CMYA5: variants seen among roughly 807,000 people sequenced by gnomAD.
CMYA5 encodes the protein cardiomyopathy-associated protein 5.
A neutral mutation model predicts 318.9 loss-of-function variants in CMYA5; 246 were observed. The observed-to-expected ratio is 0.77, with a 90% CI of 0.70 to 0.86. CMYA5 has a LOEUF of 0.86. Among genes scored for constraint, CMYA5 ranks in the 40% least tolerant of loss-of-function variants. The pLI is 0.00. For missense variants in CMYA5, 4,589 were observed against 4,678.2 expected, an observed-to-expected ratio of 0.98 and a Z score of 0.56; for synonymous variants, 1,641 against 1,729.5, an observed-to-expected ratio of 0.95 and a Z score of 1.27.
intron 11 of CMYA5, among the ~76,000 whole-genome samples, chr5:79,791,978 T>C (rs1201555356): frequency 1.3e-5 from 2 of 151,914 alleles, no homozygotes; most frequent in Non-Finnish European, 2.9e-5. Context: ...CACAGGCTGC[T>C]GATGGTGCTG....
At position 79,786,981 on chromosome 5, in the gene CMYA5, G is replaced by T. The variant is rs148457476; in HGVS notation, c.11556-1990G>T. ...GAAAGCAGGACGGATCCCATATTTT[G>T]ACTTCAGTACCATGTAAACCTTTAT... On this transcript the variant is annotated intron_variant, in intron 9 of 12. Transcript: ENST00000446378. Among the ~76,000 whole-genome samples the T allele has an allele frequency of 2.4e-3, 373 of 152,246 alleles. 1 individual carries two copies. The highest frequency in any genetic ancestry group is 0.017 in the Admixed American group (255 of 15,290).
At chr5:79,740,329 G>A (rs2151089081) in intron 2 of CMYA5, among the ~76,000 whole-genome samples, 1 of 152,194 alleles carries the variant, frequency 6.6e-6, no homozygotes, top group South Asian at 2.1e-4. Context: ...GAGGAGCTTG[G>A]TATTTTATGG....
rs775623456 is a variant in CMYA5 at position 79,732,679 on chromosome 5, A to C, written c.3914A>C (p.His1305Pro). The change falls in exon 2 of 13, where the codon CAT (histidine) becomes CCT (proline). Residue 1305 changes from histidine (H) to proline (P), a missense_variant. Physicochemically the swap from His to Pro is moderately conservative, Grantham distance 77 (BLOSUM62 -2). Transcript: ENST00000446378. ...TCAGCAGTGAAAATGGAGATGAAAC[A>C]TGATTCCAAAATAACAACTACACCT... The part of the protein sequence containing the change: ...ALSAVKMEMK[H>P]DSKITTTPIV... 6.2e-7 allele frequency: 1 copy of C among 1,613,374 alleles called. No homozygotes were observed. The highest frequency in any genetic ancestry group is 1.7e-5 in the Admixed American group (1 of 59,874).
At chr5:79,719,767 G>C (rs953564193) in intron 1 of CMYA5, among the ~76,000 whole-genome samples, 1 of 152,134 alleles carries the variant, frequency 6.6e-6, no homozygotes, top group Non-Finnish European at 1.5e-5. Context: ...TGCTTGCTCA[G>C]GGCATAGCTG....
At position 79,731,765 on chromosome 5, in the gene CMYA5, A is replaced by G; in HGVS notation, c.3000A>G (p.Pro1000=). 6.2e-7 allele frequency: 1 copy of G among 1,613,550 alleles called. No individual in the cohort carries two copies. The highest frequency in any genetic ancestry group is 8.5e-7 in the Non-Finnish European group (1 of 1,179,720). The change falls in exon 2 of 13, where the codon CCA becomes CCG. Residue 1000 remains proline (P), a synonymous_variant. Coordinates refer to ENST00000446378, the MANE Select transcript of CMYA5 (RefSeq NM_153610.5). The part of the protein sequence containing the change: ...EDTEEAELFS[P]DSASQVSIPP... ...CTGAAGAAGCGGAACTGTTCTCTCC[A>G]GACTCAGCATCACAAGTTTCAATCC...
intron 1 of CMYA5, among the ~76,000 whole-genome samples, chr5:79,706,065 G>A (rs57412371): frequency 0.076 from 11,505 of 152,208 alleles, 555 homozygotes; most frequent in East Asian, 0.16. Context: ...CAGGTGGATC[G>A]GCAGGTCGAG....
rs1827961234 is a variant in CMYA5 at position 79,733,232 on chromosome 5, A to G, written c.4467A>G (p.Ala1489=). The G allele has an allele frequency of 6.2e-7, 1 of 1,613,738 alleles. No individual in the cohort carries two copies. The highest frequency in any genetic ancestry group is 8.5e-7 in the Non-Finnish European group (1 of 1,179,824). Residue 1489 remains alanine (A), a synonymous_variant, in exon 2 of 13, where the codon GCA becomes GCG. Transcript: ENST00000446378. ...AGCATTCAGATAAATCTGAGGAAGC[A>G]AGGGTAGAAGACAAACAAGATCTTT... ...SSQHSDKSEE[A]RVEDKQDLLF...
intron 1 of CMYA5, among the ~76,000 whole-genome samples, chr5:79,707,327 T>G (rs567715484): frequency 6.6e-6 from 1 of 152,326 alleles, no homozygotes; most frequent in African/African-American, 2.4e-5. Context: ...TCTATTTGTT[T>G]AAGGACTGTG....
chr5:79,768,820 C>G (rs1355355821), intron 9 of CMYA5, among the ~76,000 whole-genome samples: 2 of 152,052 alleles, frequency 1.3e-5, no homozygotes, highest in African/African-American at 2.4e-5. Context: ...CTCTGTGTTT[C>G]CTGAATTTGA....
At position 79,689,970 on chromosome 5, in the gene CMYA5, G is replaced by A. The variant is rs929642808; in HGVS notation, c.63G>A (p.Glu21=). Residue 21 remains glutamate (E), a synonymous_variant, in exon 1 of 13, where the codon GAG becomes GAA. Coordinates refer to ENST00000446378, the MANE Select transcript of CMYA5 (RefSeq NM_153610.5). ...ESFLGSDGDE[E]ATRELETEEE... ...TTCTCGGCTCCGACGGGGACGAGGA[G>A]GCGACCCGGGAGCTGGAGACCGAGG... is the stretch of plus-strand genomic sequence containing the variant. 2 of 1,311,728 alleles carry A rather than the reference G, an allele frequency of 1.5e-6. No homozygotes were observed. Among genetic ancestry groups the A allele is most frequent in the African/African-American group, 3.0e-5 (2 of 66,070 alleles). 81.3% of individuals were successfully genotyped at this position (1,311,728 alleles called of 1,614,324 possible). A position where few individuals can be genotyped will look rare whatever the true frequency, so the allele number is the denominator to read the frequency against.
At chr5:79,692,941 AAAT>A (rs1456285492) in intron 1 of CMYA5, among the ~76,000 whole-genome samples, 2 of 152,178 alleles carry the variant, frequency 1.3e-5, no homozygotes, top group Non-Finnish European at 2.9e-5. Flanking sequence ...GGGGATACAA[AAAT>A]AAGAATCCAT....
At chr5:79,759,039 C>T (rs1828593645) in intron 7 of CMYA5, 137 bp downstream of exon 7, 1 of 709,822 alleles carries the variant, frequency 1.4e-6, no homozygotes. Context: ...AAAACCCCAA[C>T]AACCATATAA....
intron 1 of CMYA5, among the ~76,000 whole-genome samples, chr5:79,697,576 T>A (rs1827092155): frequency 6.6e-6 from 1 of 152,238 alleles, no homozygotes; most frequent in Non-Finnish European, 1.5e-5. Flanking sequence ...ACAATAGCTC[T>A]CTGATATAGG....
At chr5:79,757,210 A>AC (rs1374754477) in intron 6 of CMYA5, among the ~76,000 whole-genome samples, 1 of 151,802 alleles carries the variant, frequency 6.6e-6, no homozygotes, top group African/African-American at 2.4e-5. Context: ...AAAAAAAAAA[A>AC]AGCATGCTAT....
chr5:79,690,080 C>A (rs947440076), intron 1 of CMYA5, 24 bp downstream of exon 1: 2 of 1,406,820 alleles, frequency 1.4e-6, no homozygotes, highest in African/African-American at 3.0e-5. Flanking sequence ...CTCTCCTCGG[C>A]CCAGGGCCTG....
At chr5:79,761,996 G>A (rs752613028) in intron 8 of CMYA5, 39 bp downstream of exon 8, 17 of 1,587,542 alleles carry the variant, frequency 1.1e-5, no homozygotes, top group Admixed American at 3.5e-5. Context: ...AGAAGACAAC[G>A]CTCAGTTCTT....
intron 5 of CMYA5, among the ~76,000 whole-genome samples, chr5:79,751,538 T>C (rs1828430189): frequency 6.6e-6 from 1 of 152,192 alleles, no homozygotes; most frequent in Non-Finnish European, 1.5e-5. Flanking sequence ...ACTCTTTAAA[T>C]ATTCAGTTTT....
intron 10 of CMYA5, among the ~76,000 whole-genome samples, chr5:79,789,449 G>C (rs1194873839): frequency 6.6e-6 from 1 of 150,694 alleles, no homozygotes; most frequent in Non-Finnish European, 1.5e-5. Context: ...TTTTGAGACA[G>C]AGTCTCACTC....
intron 9 of CMYA5, among the ~76,000 whole-genome samples, chr5:79,768,781 C>G (rs1447339223): frequency 6.6e-6 from 1 of 152,040 alleles, no homozygotes; most frequent in Non-Finnish European, 1.5e-5. Flanking sequence ...CTTGGGGTTG[C>G]TTTTCTCAAG....
Sources: allele counts gnomAD v4.1 joint callset (sites outside exome capture counted in the v4.1 genomes callset), GRCh38; gene constraint gnomAD v4.1.1; transcripts MANE v1.5; gene names NCBI Gene and HGNC (gene_info 2026-07-23, HGNC 2026-07-21).